MBP: variants seen among roughly 807,000 people sequenced by gnomAD.
MBP encodes the protein Golli-MBP.
MBP carries 16 observed loss-of-function variants against 35.8 expected under a neutral mutation model. The ratio of observed to expected loss-of-function variants is 0.45; its 90% CI spans 0.30 to 0.68. MBP has a LOEUF of 0.68. Among genes scored for constraint, MBP ranks in the 30% least tolerant of loss-of-function variants. MBP has a pLI of 0.08. For synonymous variants in MBP, 143 were observed against 159.6 expected (o/e 0.90, Z 0.78); for missense variants, 380 against 404.7 (o/e 0.94, Z 0.52).
At chr18:77,074,481 C>T (rs1160684232) in intron 2 of MBP, among the ~76,000 whole-genome samples, 2 of 152,078 alleles carry the variant, frequency 1.3e-5, no homozygotes, top group Non-Finnish European at 2.9e-5. Context: ...TTGGTCAAGA[C>T]AACAGGACTA....
intron 2 of MBP, among the ~76,000 whole-genome samples, chr18:77,098,039 T>C (rs1191257028): frequency 1.3e-5 from 2 of 152,190 alleles, no homozygotes; most frequent in African/African-American, 4.8e-5. Flanking sequence ...CTGTGGGCTC[T>C]ACAGCCCCAG....
chr18:77,028,528 G>A (rs1267077552), intron 3 of MBP, among the ~76,000 whole-genome samples: 13 of 100,218 alleles, frequency 1.3e-4, no homozygotes, highest in Admixed American at 3.1e-4. Context: ...ACGGGGTGGT[G>A]GCCGGGCAGA....
chr18:77,056,305 G>C (rs1973718301), intron 3 of MBP, among the ~76,000 whole-genome samples: 1 of 152,218 alleles, frequency 6.6e-6, no homozygotes, highest in Non-Finnish European at 1.5e-5. Context: ...CCGTCCGGGG[G>C]ATTAAACCTT....
intron 3 of MBP, among the ~76,000 whole-genome samples, chr18:77,062,876 T>C (rs1568320101): frequency 1.3e-5 from 2 of 152,346 alleles, no homozygotes; most frequent in South Asian, 2.1e-4. Context: ...ATCTTAGGTA[T>C]GCGTGTCCTG....
chr18:77,054,029 C>T (rs1973623602), intron 3 of MBP, among the ~76,000 whole-genome samples: 1 of 152,258 alleles, frequency 6.6e-6, no homozygotes, highest in African/African-American at 2.4e-5. Context: ...GCCATCAGAA[C>T]TTGAGTGGAC....
At chr18:77,059,399 AATT>A (rs1275557708) in intron 3 of MBP, among the ~76,000 whole-genome samples, 8 of 151,972 alleles carry the variant, frequency 5.3e-5, no homozygotes, top group East Asian at 1.9e-4. Flanking sequence ...AATTAATTTT[AATT>A]ATTAATTCAA....
At chr18:77,051,811 G>A (rs1038862112) in intron 3 of MBP, among the ~76,000 whole-genome samples, 15 of 152,154 alleles carry the variant, frequency 9.9e-5, no homozygotes, top group African/African-American at 3.6e-4. Context: ...GTGAGTGGGG[G>A]TGCACTTTGC....
At chr18:77,108,270 C>T (rs1454982256) in intron 1 of MBP, 1 of 152,186 alleles carries the variant, frequency 6.6e-6, no homozygotes, top group Admixed American at 6.5e-5. Flanking sequence ...CAGCTGCATG[C>T]TTGGAGGAAA....
chr18:77,010,593 G>A (rs948770668), intron 4 of MBP, among the ~76,000 whole-genome samples: 33 of 152,320 alleles, frequency 2.2e-4, no homozygotes, highest in African/African-American at 7.7e-4. Context: ...ACTTAAAGTT[G>A]ATTTTCTTGC....
intron 1 of MBP, chr18:77,113,697 T>C (rs943908079): frequency 3.3e-5 from 5 of 152,642 alleles, no homozygotes; most frequent in African/African-American, 9.7e-5. Flanking sequence ...AGTGACCTAA[T>C]AGAACAGAAT....
chr18:77,018,176 TACACACAC>T (rs1480080028), intron 3 of MBP, among the ~76,000 whole-genome samples: 1 of 151,606 alleles, frequency 6.6e-6, no homozygotes. Flanking sequence ...CATCCATCCA[TACACACAC>T]CCACCTACCC....
rs1412143058 is a variant in MBP, at chr18:76,988,546, G to A, written c.718-19C>T. Reference sequence around the variant, plus strand: ...CTCTCCCCTGCATGAGGAAGACAGAGAAATAATGACATGGTGGTCAGTGAA... The same window carrying A: ...CTCTCCCCTGCATGAGGAAGACAGAAAAATAATGACATGGTGGTCAGTGAA... On this transcript the variant is annotated intron_variant, in intron 6 of 8. Coordinates refer to ENST00000355994, the MANE Select transcript of MBP (RefSeq NM_001025101.2). The surrounding 1 kb of genome is among the most constrained non-coding windows in gnomAD (Gnocchi z 5.2). 1 of 1,607,180 alleles carries A rather than the reference G, an allele frequency of 6.2e-7. No individual in the cohort carries two copies. Among genetic ancestry groups the A allele is most frequent in the East Asian group, 2.2e-5 (1 of 44,772 alleles).
chr18:77,080,691 TTA>T (rs1491494442), intron 2 of MBP, among the ~76,000 whole-genome samples: 10 of 147,138 alleles, frequency 6.8e-5, no homozygotes, highest in Admixed American at 1.4e-4. Context: ...TATTTATTAT[TTA>T]TTTTTTTTAT....
intron 1 of MBP, among the ~76,000 whole-genome samples, chr18:77,107,722 T>C (rs1160062702): frequency 6.6e-6 from 1 of 152,176 alleles, no homozygotes; most frequent in African/African-American, 2.4e-5. Flanking sequence ...CTTGGGATGA[T>C]TGATCTTAAT....
rs1972774895 is a variant in MBP, at chr18:77,036,508, G to A, written c.140-19240C>T. Among the ~76,000 whole-genome samples the A allele has an allele frequency of 1.5e-5, 2 of 130,020 alleles. 1 individual carries two copies. Among genetic ancestry groups the A allele is most frequent in the Non-Finnish European group, 3.2e-5 (2 of 62,482 alleles). The allele number at this position is 130,020 out of a possible 152,430, so 85.3% of individuals were successfully genotyped here. A position where few individuals can be genotyped will look rare whatever the true frequency, so the allele number is the denominator to read the frequency against. The stretch of plus-strand genomic sequence containing the variant: ...GCTGAGCAAGTGCTGGTCACATTTT[G>A]GAGACTGAGCTGAGCAAGTGCTGGT... On this transcript the variant is annotated intron_variant, in intron 3 of 8. Coordinates refer to ENST00000355994, the MANE Select transcript of MBP (RefSeq NM_001025101.2).
intron 3 of MBP, among the ~76,000 whole-genome samples, chr18:77,024,483 G>T (rs1377144408): frequency 6.6e-6 from 1 of 152,222 alleles, no homozygotes; most frequent in African/African-American, 2.4e-5. Flanking sequence ...CCAGAATACA[G>T]AATTAAACTT....
chr18:77,029,230 G>A (rs1017415626), intron 3 of MBP, among the ~76,000 whole-genome samples: 4 of 146,986 alleles, frequency 2.7e-5, no homozygotes, highest in African/African-American at 4.9e-5. Context: ...CCAACACAGC[G>A]AAACCCCGGC....
intron 3 of MBP, among the ~76,000 whole-genome samples, chr18:77,057,465 C>T (rs946286049): frequency 2.0e-5 from 3 of 152,196 alleles, no homozygotes; most frequent in Non-Finnish European, 4.4e-5. Flanking sequence ...CTCAGGCAGC[C>T]ACGGAATCAC....
At chr18:77,018,229 C>G (rs911929097) in intron 3 of MBP, among the ~76,000 whole-genome samples, 2 of 151,052 alleles carry the variant, frequency 1.3e-5, no homozygotes, top group African/African-American at 4.9e-5. Flanking sequence ...ATCCCCCATC[C>G]ACTCATCCAT....
Sources: gnomAD v4.1 joint callset for allele counts (sites outside exome capture counted in the v4.1 genomes callset) on GRCh38, gnomAD v4.1.1 for gene constraint, Gnocchi (gnomAD v3.1) non-coding constraint, MANE v1.5 for transcripts, NCBI Gene and HGNC (gene_info 2026-07-23, HGNC 2026-07-21) for gene names.